Variants in ACVR1B observed in about 807,000 individuals in gnomAD.
ACVR1B encodes the protein activin receptor type-1B.
ACVR1B carries 15 observed loss-of-function variants against 55.6 expected under a neutral mutation model. The observed-to-expected ratio is 0.27, with a 90% CI of 0.18 to 0.42. The LOEUF (loss-of-function observed/expected upper bound fraction) is 0.42, where lower values mean the gene tolerates loss of function less well. Among genes scored for constraint, ACVR1B ranks in the 10% least tolerant of loss-of-function variants. The pLI, the probability that ACVR1B is intolerant of heterozygous loss-of-function variation, is 1.00. For missense variants in ACVR1B, 359 were observed against 670.1 expected (o/e 0.54, Z 5.13); for synonymous variants, 247 against 254.6 (o/e 0.97, Z 0.28).
chr12:51,981,300 C>T (rs944476809), intron 4 of ACVR1B, 101 bp downstream of exon 4: 4 of 1,017,444 alleles, frequency 3.9e-6, no homozygotes, highest in Non-Finnish European at 2.9e-6. Flanking sequence ...CATTGTAACC[C>T]GTAGAAAGAA....
Position 51,995,444 on chromosome 12 carries a change from A to T in ACVR1B, c.*1334A>T, listed in dbSNP as rs1942281618. The stretch of plus-strand genomic sequence containing the variant: ...CAGCCTGAGCCGAACATGTTATTTA[A>T]CCTGAGTATAGTATTTAACGAAGCC... On this transcript the variant is annotated 3_prime_UTR_variant, in exon 9 of 9. Transcript: ENST00000257963. The T allele has an allele frequency of 2.0e-5, 3 of 152,352 alleles. No homozygotes were observed. The highest frequency in any genetic ancestry group is 2.4e-5 in the African/African-American group (1 of 41,336). The allele number at this position is 152,352 out of a possible 1,614,324, so 9.4% of individuals were successfully genotyped here.
intron 1 of ACVR1B, among the ~76,000 whole-genome samples, chr12:51,974,246 C>T (rs1158215472): frequency 6.6e-6 from 1 of 152,202 alleles, no homozygotes; most frequent in Non-Finnish European, 1.5e-5. Context: ...AGCAACACTC[C>T]TGCCCATGCC....
At chr12:51,979,204 A>G (rs1304990791) in intron 3 of ACVR1B, among the ~76,000 whole-genome samples, 1 of 147,762 alleles carries the variant, frequency 6.8e-6, no homozygotes. Flanking sequence ...GGTGGCTCAC[A>G]CCTGTAATCC....
intron 3 of ACVR1B, among the ~76,000 whole-genome samples, chr12:51,978,516 T>C (rs11829431): frequency 0.018 from 2,748 of 152,236 alleles, 28 homozygotes; most frequent in Non-Finnish European, 0.022. Context: ...CTGGGTGATA[T>C]GGTTTTAAAC....
chr12:51,956,294 C>G (rs765846383), intron 1 of ACVR1B, among the ~76,000 whole-genome samples: 5 of 152,210 alleles, frequency 3.3e-5, no homozygotes, highest in Non-Finnish European at 5.9e-5. Flanking sequence ...TCCCTTTAAA[C>G]CATAACATCA....
intron 7 of ACVR1B, chr12:51,987,740 A>C (rs1483443442): frequency 6.5e-6 from 1 of 152,764 alleles, no homozygotes; most frequent in African/African-American, 2.4e-5. Context: ...TGACATGCAA[A>C]TTCCTGAAGC....
At chr12:51,957,104 TA>T (rs1462324463) in intron 1 of ACVR1B, among the ~76,000 whole-genome samples, 1 of 152,136 alleles carries the variant, frequency 6.6e-6, no homozygotes, top group Non-Finnish European at 1.5e-5. Context: ...TTTTAATTTT[TA>T]TTTTTTTGAG....
At chr12:51,980,912 G>T in intron 3 of ACVR1B, 57 bp from the exon 4 acceptor site, 1 of 1,477,366 alleles carries the variant, frequency 6.8e-7, no homozygotes, top group Non-Finnish European at 9.2e-7. Context: ...TAGTGTGGGA[G>T]TTGGAAAATT....
chr12:51,953,178 G>A (rs1193244970), intron 1 of ACVR1B, among the ~76,000 whole-genome samples: 1 of 152,066 alleles, frequency 6.6e-6, no homozygotes, highest in Admixed American at 6.5e-5. Flanking sequence ...TCCAGCAATG[G>A]GAGATAAAGT....
At chr12:51,952,704 T>C (rs1941325896) in intron 1 of ACVR1B, among the ~76,000 whole-genome samples, 1 of 152,198 alleles carries the variant, frequency 6.6e-6, no homozygotes, top group Non-Finnish European at 1.5e-5. Context: ...GGTGAAATCC[T>C]GGAACCTGTC....
At chr12:51,974,596 G>A (rs1478556482) in intron 1 of ACVR1B, among the ~76,000 whole-genome samples, 3 of 152,124 alleles carry the variant, frequency 2.0e-5, no homozygotes, top group Admixed American at 1.3e-4. Flanking sequence ...AATGTATTGT[G>A]CACTTTTAAT....
rs1942253702 is a variant in ACVR1B, at chr12:51,994,165, G to A, written c.*55G>A. On this transcript the variant is annotated 3_prime_UTR_variant, in exon 9 of 9. Transcript: ENST00000257963. The surrounding 1 kb of genome is among the most constrained non-coding windows in gnomAD (Gnocchi z 4.2). ...GCAGCGAGAACTACGCACAGCTGCC[G>A]CGTTGAGCGTACGATGGAGGCCTAC... is the stretch of plus-strand genomic sequence containing the variant. 13 of 1,597,786 alleles carry A rather than the reference G, an allele frequency of 8.1e-6. No individual in the cohort carries two copies. Among genetic ancestry groups the A allele is most frequent in the East Asian group, 2.2e-5 (1 of 44,798 alleles).
chr12:51,962,669 T>C (rs1182167316), intron 1 of ACVR1B, among the ~76,000 whole-genome samples: 2 of 152,234 alleles, frequency 1.3e-5, no homozygotes, highest in Non-Finnish European at 2.9e-5. Context: ...GTGAACAGTT[T>C]AGTGCCAGAC....
At chr12:51,953,542 T>C in intron 1 of ACVR1B, 1 of 984,822 alleles carries the variant, frequency 1.0e-6, no homozygotes, top group Non-Finnish European at 1.2e-6. Flanking sequence ...CGTCGGGCCT[T>C]ATTAAGGGCC....
intron 1 of ACVR1B, among the ~76,000 whole-genome samples, chr12:51,965,767 T>C (rs560318649): frequency 5.9e-5 from 9 of 152,336 alleles, no homozygotes; most frequent in African/African-American, 1.9e-4. Flanking sequence ...AGAGACTGAT[T>C]ATCCAAACAC....
chr12:51,967,187 C>T (rs1029832211), intron 1 of ACVR1B, among the ~76,000 whole-genome samples: 3 of 151,730 alleles, frequency 2.0e-5, no homozygotes, highest in Non-Finnish European at 1.5e-5. Context: ...TTGCAGTGAG[C>T]AGAGATTGTG....
In ACVR1B at chr12:51,994,164, C is replaced by T. The variant is rs1325284457; in HGVS notation, c.*54C>T. 1.2e-5 allele frequency: 19 copies of T among 1,598,872 alleles called. No homozygotes were observed. The highest frequency in any genetic ancestry group is 4.5e-5 in the East Asian group (2 of 44,778). On this transcript the variant is annotated 3_prime_UTR_variant, in exon 9 of 9. Transcript: ENST00000257963. This position sits in a 1 kb window ranked among gnomAD's most constrained non-coding sequence, Gnocchi z 4.2. ...GGCAGCGAGAACTACGCACAGCTGC[C>T]GCGTTGAGCGTACGATGGAGGCCTA...
Position 51,988,266 on chromosome 12 carries a change from C to T in ACVR1B, c.1261+1324C>T, listed in dbSNP as rs563896503. ...CAGGCGGATCACGAGGTCAAGAGATCGAGACCATCCTGGCCAACATGGTGA... is the reference window on the plus strand; with the variant it reads ...CAGGCGGATCACGAGGTCAAGAGATTGAGACCATCCTGGCCAACATGGTGA... On this transcript the variant is annotated intron_variant, in intron 7 of 8. Coordinates refer to ENST00000257963, the MANE Select transcript of ACVR1B (RefSeq NM_004302.5). 3.0e-4 allele frequency among the ~76,000 whole-genome samples: 45 copies of T among 152,210 alleles called. No individual in the cohort carries two copies. The South Asian group carries it at 8.9e-3, about 30-fold the overall frequency.
intron 8 of ACVR1B, 107 bp from the exon 9 acceptor site, chr12:51,993,878 C>G: frequency 7.0e-7 from 1 of 1,423,044 alleles, no homozygotes; most frequent in Non-Finnish European, 9.3e-7. Context: ...TGTGGATCTG[C>G]CAGACTGCAC....
Sources: gnomAD v4.1 joint callset for allele counts (sites outside exome capture counted in the v4.1 genomes callset) on GRCh38, gnomAD v4.1.1 for gene constraint, Gnocchi (gnomAD v3.1) non-coding constraint, MANE v1.5 for transcripts, NCBI Gene and HGNC (gene_info 2026-07-23, HGNC 2026-07-21) for gene names.